Variants in SLC35B4 observed in about 807,000 individuals in gnomAD.
SLC35B4 encodes the protein nucleotide sugar transporter SLC35B4.
A neutral mutation model predicts 39.5 loss-of-function variants in SLC35B4; 28 were observed. The ratio of observed to expected loss-of-function variants is 0.71; its 90% CI spans 0.53 to 0.97. The LOEUF is 0.97. SLC35B4 is among the 50% of genes least tolerant of loss of function. The pLI is 0.00. For synonymous variants in SLC35B4, 145 were observed against 150.4 expected (o/e 0.96, Z 0.26); for missense variants, 334 against 414.3 (o/e 0.81, Z 1.68).
intron 4 of SLC35B4, among the ~76,000 whole-genome samples, chr7:134,302,570 C>T (rs1803608635): frequency 6.6e-6 from 1 of 152,162 alleles, no homozygotes; most frequent in Non-Finnish European, 1.5e-5. Context: ...ATAATCCAAT[C>T]ATCCATTCTC....
rs1803302266 is a variant in SLC35B4 at position 134,290,127 on chromosome 7, G to GAT, written c.*4704_*4705dup. ...TAAGAATCTTTAATGTTCTATTAGG[G>GAT]ATCTTCTTGCACTTTCTTCCTGAGC... On this transcript the variant is annotated 3_prime_UTR_variant, in exon 10 of 10. Transcript: ENST00000378509. 1 of 152,128 alleles carries GAT rather than the reference G, an allele frequency of 6.6e-6. No individual in the cohort carries two copies. The highest frequency in any genetic ancestry group is 1.5e-5 in the Non-Finnish European group (1 of 68,042). 9.4% of individuals were successfully genotyped at this position (152,128 alleles called of 1,614,324 possible). A position where few individuals can be genotyped will look rare whatever the true frequency, so the allele number is the denominator to read the frequency against.
At chr7:134,300,284 C>T (rs1803551895) in intron 6 of SLC35B4, 23 bp from the exon 7 acceptor site, 1 of 1,514,390 alleles carries the variant, frequency 6.6e-7, no homozygotes, top group Non-Finnish European at 9.1e-7. Context: ...CATCAGGTGA[C>T]AAGATGTCTG....
rs780777069 is a variant in SLC35B4 at position 134,295,044 on chromosome 7, G to A, written c.785C>T (p.Thr262Ile). 3.1e-6 allele frequency: 5 copies of A among 1,614,058 alleles called. No individual in the cohort carries two copies. In the African/African-American group the frequency reaches 4.0e-5, roughly 13 times the overall value. The change falls in exon 10 of 10, where the codon ACA (threonine) becomes ATA (isoleucine). Residue 262 changes from threonine to isoleucine, a missense_variant. Coordinates refer to ENST00000378509, the MANE Select transcript of SLC35B4 (RefSeq NM_032826.5). Reference protein sequence around the residue: ...VCIRGVFILTTECASLTVTLV... With the variant: ...VCIRGVFILTIECASLTVTLV... The stretch of plus-strand genomic sequence containing the variant: ...CGTGACGGTGAGGGAGGCGCATTCT[G>A]TGGTGAGGATAAACACACCCCGGAT...
intron 8 of SLC35B4, among the ~76,000 whole-genome samples, chr7:134,298,377 G>A (rs534098572): frequency 1.3e-5 from 2 of 152,196 alleles, no homozygotes; most frequent in Admixed American, 1.3e-4. Flanking sequence ...GAAAATTCAC[G>A]GATCTCAGAA....
At position 134,296,450 on chromosome 7, in the gene SLC35B4, G is replaced by A. The variant is rs759867977; in HGVS notation, c.690C>T (p.Pro230=). ...TGATGGGCAGGGTCACTCCGATGAC[G>A]GGAATTTCATATAACTCTGTAGAGG... is the stretch of plus-strand genomic sequence containing the variant. ...LFNKSELYEI[P]VIGVTLPIMW... is the part of the protein sequence containing the mutation. The change falls in exon 9 of 10, where the codon CCC becomes CCT. Residue 230 remains proline (P), a synonymous_variant. Coordinates refer to ENST00000378509, the MANE Select transcript of SLC35B4 (RefSeq NM_032826.5). 2.9e-5 allele frequency: 47 copies of A among 1,613,336 alleles called. No homozygotes were observed. Among genetic ancestry groups the A allele is most frequent in the Admixed American group, 1.2e-4 (7 of 59,980 alleles).
chr7:134,302,072 G>A lies in SLC35B4; in HGVS notation c.383C>T (p.Ser128Phe). ...AAAAGTGCAAATAAATATCCCCACAGACACCAGGGCAATGGAGGTATATTT... is the reference window on the plus strand; with the variant it reads ...AAAAGTGCAAATAAATATCCCCACAAACACCAGGGCAATGGAGGTATATTT... ...IFKYTSIALV[S>F]VGIFICTFMS... The change falls in exon 5 of 10, where the codon TCT becomes TTT. Residue 128 changes from serine to phenylalanine, a missense_variant. Coordinates refer to ENST00000378509, the MANE Select transcript of SLC35B4 (RefSeq NM_032826.5). The A allele has an allele frequency of 1.2e-6, 2 of 1,613,846 alleles. No individual in the cohort carries two copies. The highest frequency in any genetic ancestry group is 1.1e-5 in the South Asian group (1 of 91,000).
chr7:134,308,490 G>A (rs1371170029), intron 2 of SLC35B4, among the ~76,000 whole-genome samples: 3 of 152,138 alleles, frequency 2.0e-5, no homozygotes, highest in African/African-American at 7.2e-5. Flanking sequence ...AAAACTAAAA[G>A]TATCTGGAAT....
chr7:134,296,317 A>T, intron 9 of SLC35B4, 74 bp downstream of exon 9: 1 of 1,285,300 alleles, frequency 7.8e-7, no homozygotes, highest in Non-Finnish European at 1.1e-6. Context: ...CACTGTTAGA[A>T]GAAAAGAATG....
chr7:134,316,695 G>A lies in SLC35B4; in HGVS notation c.57C>T (p.Ile19=). The change falls in exon 1 of 10, where the codon ATC becomes ATT. Residue 19 remains isoleucine (I), a synonymous_variant. Transcript: ENST00000378509. ...LVFAGCCSNV[I]FLELLARKHP... Reference sequence around the variant, plus strand: ...CTCACCGGGCCAGGAGCTCTAGGAAGATCACGTTACTGCAGCAGCCTGCGA... The same window carrying A: ...CTCACCGGGCCAGGAGCTCTAGGAAAATCACGTTACTGCAGCAGCCTGCGA... The A allele has an allele frequency of 6.4e-7, 1 of 1,550,650 alleles. No homozygotes were observed. Among genetic ancestry groups the A allele is most frequent in the Non-Finnish European group, 8.7e-7 (1 of 1,146,772 alleles).
chr7:134,295,782 A>C (rs1803452980), intron 9 of SLC35B4, among the ~76,000 whole-genome samples: 1 of 152,102 alleles, frequency 6.6e-6, no homozygotes, highest in Non-Finnish European at 1.5e-5. Flanking sequence ...ATCTTAGGAC[A>C]CCAAAAAATC....
Position 134,306,728 on chromosome 7 carries a change from T to C in SLC35B4, c.238A>G (p.Asn80Asp). The C allele has an allele frequency of 6.2e-7, 1 of 1,614,076 alleles. No individual in the cohort carries two copies. The highest frequency in any genetic ancestry group is 8.5e-7 in the Non-Finnish European group (1 of 1,180,010). The change falls in exon 3 of 10, where the codon AAC becomes GAC. Residue 80 changes from asparagine (N) to aspartate (D), a missense_variant. Asn to Asp is a conservative substitution (Grantham distance 23, BLOSUM62 1). Transcript: ENST00000378509. ...VTMFFTVSVV[N>D]NYALNLNIAM... ...ATGTTGAGATTCAGGGCATAGTTGT[T>C]CACCACGCTCACGGTGAAGAACATG...
At chr7:134,313,264 CT>C (rs1173442908) in intron 1 of SLC35B4, among the ~76,000 whole-genome samples, 1 of 152,172 alleles carries the variant, frequency 6.6e-6, no homozygotes, top group Non-Finnish European at 1.5e-5. Context: ...TTTGAATTCT[CT>C]TGGCAAAAAT....
At position 134,292,532 on chromosome 7, in the gene SLC35B4, C is replaced by T. The variant is rs1478203070; in HGVS notation, c.*2301G>A. On this transcript the variant is annotated 3_prime_UTR_variant, in exon 10 of 10. Coordinates refer to ENST00000378509, the MANE Select transcript of SLC35B4 (RefSeq NM_032826.5). ...AATGGGCCCAAGTACTGTCTGTGAACATCAACACATACCCAATGAAGAAAA... is the reference window on the plus strand; with the variant it reads ...AATGGGCCCAAGTACTGTCTGTGAATATCAACACATACCCAATGAAGAAAA... The T allele has an allele frequency of 6.6e-6, 1 of 152,144 alleles. No individual in the cohort carries two copies. Among genetic ancestry groups the T allele is most frequent in the African/African-American group, 2.4e-5 (1 of 41,398 alleles). 9.4% of individuals were successfully genotyped at this position (152,144 alleles called of 1,614,324 possible). A position where few individuals can be genotyped will look rare whatever the true frequency, so the allele number is the denominator to read the frequency against.
intron 1 of SLC35B4, among the ~76,000 whole-genome samples, chr7:134,312,602 A>G (rs141161216): frequency 2.4e-4 from 37 of 152,324 alleles, no homozygotes; most frequent in African/African-American, 8.9e-4. Flanking sequence ...TGAGGGTTCC[A>G]ATGTGATCTA....
intron 8 of SLC35B4, 30 bp downstream of exon 8, chr7:134,299,493 G>T: frequency 6.4e-7 from 1 of 1,556,948 alleles, no homozygotes; most frequent in Non-Finnish European, 8.9e-7. Flanking sequence ...GAAACTGTCA[G>T]GTAATTCTAC....
At chr7:134,306,939 G>A (rs527965191) in intron 2 of SLC35B4, among the ~76,000 whole-genome samples, 165 bp from the exon 3 acceptor site, 3 of 152,284 alleles carry the variant, frequency 2.0e-5, no homozygotes, top group African/African-American at 7.2e-5. Flanking sequence ...ATATCAAAAC[G>A]CTTCACAAAG....
intron 2 of SLC35B4, among the ~76,000 whole-genome samples, chr7:134,307,488 G>C (rs1422654428): frequency 6.6e-6 from 1 of 151,948 alleles, no homozygotes; most frequent in Non-Finnish European, 1.5e-5. Context: ...ACATATATTG[G>C]GCCAAACCAT....
intron 9 of SLC35B4, 141 bp downstream of exon 9, chr7:134,296,250 T>C: frequency 2.7e-6 from 2 of 739,818 alleles, no homozygotes; most frequent in East Asian, 2.7e-5. Context: ...CCTGAATTGG[T>C]CTCTGTCTCC....
In SLC35B4 at chr7:134,309,375, A is replaced by G; in HGVS notation, c.182T>C (p.Ile61Thr). The change falls in exon 2 of 10, where the codon ATC (isoleucine) becomes ACC (threonine). Residue 61 changes from isoleucine to threonine, a missense_variant. Coordinates refer to ENST00000378509, the MANE Select transcript of SLC35B4 (RefSeq NM_032826.5). ...CTCTAATGTACCATACCTTATTGGG[A>G]TAGCTGGTGGCTTCCTTCCCAAATC... ...EADLGRKPPA[I>T]PIRYYAIMVT... 1.9e-6 allele frequency: 3 copies of G among 1,606,086 alleles called. No homozygotes were observed. Among genetic ancestry groups the G allele is most frequent in the Non-Finnish European group, 2.6e-6 (3 of 1,176,414 alleles).
Sources: allele counts gnomAD v4.1 joint callset (sites outside exome capture counted in the v4.1 genomes callset), GRCh38; gene constraint gnomAD v4.1.1; transcripts MANE v1.5; gene names NCBI Gene and HGNC (gene_info 2026-07-23, HGNC 2026-07-21).